MEGF11: variants seen among roughly 807,000 people sequenced by gnomAD.
The protein encoded by MEGF11 is multiple EGF like domains 11, also known as multiple epidermal growth factor-like domains protein 11.
MEGF11 carries 126 observed loss-of-function variants against 146.6 expected under a neutral mutation model. That is an observed-to-expected ratio of 0.86 (90% CI 0.74 to 1.00). The LOEUF (loss-of-function observed/expected upper bound fraction) is 1.00. Ranked by LOEUF, MEGF11 falls within the 50% of genes least tolerant of loss-of-function variation. The pLI, the probability that MEGF11 is intolerant of heterozygous loss-of-function variation, is 0.00. For missense variants in MEGF11, 1,509 were observed against 1,521.2 expected, an observed-to-expected ratio of 0.99 and a Z score of 0.13; for synonymous variants, 532 against 583.4, an observed-to-expected ratio of 0.91 and a Z score of 1.27.
rs576164500 is a variant in MEGF11 at position 65,914,243 on chromosome 15, A to G, written c.2474-270T>C. On this transcript the variant is annotated intron_variant, in intron 19 of 25. Coordinates refer to ENST00000395614, the MANE Select transcript of MEGF11 (RefSeq NM_001385028.1). ...TTTACTCTGTTCCAAAAATGAGTTAACAGATATTAATTCATTTACTCTTCA... is the reference window on the plus strand; with the variant it reads ...TTTACTCTGTTCCAAAAATGAGTTAGCAGATATTAATTCATTTACTCTTCA... 1.1e-4 allele frequency: 60 copies of G among 533,602 alleles called. No individual in the cohort carries two copies. In the Admixed American group the frequency reaches 1.5e-3, roughly 14 times the overall value. 33.1% of individuals were successfully genotyped at this position (533,602 alleles called of 1,614,324 possible).
intron 5 of MEGF11, among the ~76,000 whole-genome samples, chr15:66,076,493 G>A (rs540924226): frequency 1.3e-3 from 195 of 152,272 alleles, no homozygotes; most frequent in African/African-American, 4.4e-3. Context: ...TGCCAGAATG[G>A]GTTTTCCTTA....
chr15:66,027,461 G>C (rs555603288), intron 5 of MEGF11, among the ~76,000 whole-genome samples: 1 of 152,302 alleles, frequency 6.6e-6, no homozygotes, highest in African/African-American at 2.4e-5. Flanking sequence ...CTCCATCACT[G>C]TGCACCGTAA....
intron 5 of MEGF11, among the ~76,000 whole-genome samples, chr15:66,083,770 A>G (rs1345485584): frequency 6.6e-6 from 1 of 152,190 alleles, no homozygotes; most frequent in African/African-American, 2.4e-5. Context: ...TTAAAAAATT[A>G]GCCCAGCATG....
intron 5 of MEGF11, among the ~76,000 whole-genome samples, chr15:66,089,592 A>G (rs1393228237): frequency 6.6e-6 from 1 of 152,196 alleles, no homozygotes; most frequent in Non-Finnish European, 1.5e-5. Flanking sequence ...AAATCATACA[A>G]TGAAAGCTTA....
chr15:65,952,283 G>A lies in MEGF11; in HGVS notation c.1287+5264C>T, dbSNP rs754719910. Among the ~76,000 whole-genome samples the A allele has an allele frequency of 3.9e-5, 6 of 152,128 alleles. No homozygotes were observed. In the South Asian group the frequency reaches 1.2e-3, roughly 32 times the overall value. ...GATGAGATTAGGGTAGACTAGGTTC[G>A]AGGGCATATTACAAAGGCCTGGGAT... On this transcript the variant is annotated intron_variant, in intron 10 of 25. Coordinates refer to ENST00000395614, the MANE Select transcript of MEGF11 (RefSeq NM_001385028.1).
intron 1 of MEGF11, among the ~76,000 whole-genome samples, chr15:66,195,797 G>A (rs1200173078): frequency 1.3e-5 from 2 of 152,224 alleles, no homozygotes; most frequent in Non-Finnish European, 2.9e-5. Flanking sequence ...CCCAGGACAG[G>A]AAGCAAGAGG....
At chr15:66,026,921 A>G (rs1291158507) in intron 5 of MEGF11, among the ~76,000 whole-genome samples, 1 of 152,234 alleles carries the variant, frequency 6.6e-6, no homozygotes, top group African/African-American at 2.4e-5. Flanking sequence ...GGAGAATAAA[A>G]TGGTGTCATT....
At chr15:66,056,870 G>A (rs927698698) in intron 5 of MEGF11, among the ~76,000 whole-genome samples, 5 of 152,344 alleles carry the variant, frequency 3.3e-5, no homozygotes, top group Middle Eastern at 6.8e-3. Context: ...TTTGCTTAGG[G>A]ATGCCAGGAG....
chr15:65,994,229 C>A (rs1034029741), intron 5 of MEGF11, among the ~76,000 whole-genome samples: 1 of 152,256 alleles, frequency 6.6e-6, no homozygotes, highest in African/African-American at 2.4e-5. Flanking sequence ...ACTGGAAGTT[C>A]TTTCTTTTCC....
At chr15:66,048,994 C>T (rs1263742170) in intron 5 of MEGF11, among the ~76,000 whole-genome samples, 1 of 152,138 alleles carries the variant, frequency 6.6e-6, no homozygotes, top group Non-Finnish European at 1.5e-5. Flanking sequence ...AAGAGACCAC[C>T]AGGGGTTTGT....
At chr15:66,088,946 C>T (rs151234930) in intron 5 of MEGF11, among the ~76,000 whole-genome samples, 2 of 152,104 alleles carry the variant, frequency 1.3e-5, no homozygotes, top group Non-Finnish European at 2.9e-5. Context: ...GTGAATGTAC[C>T]AATGTTACCA....
At position 65,964,899 on chromosome 15, in the gene MEGF11, AG is replaced by A; in HGVS notation, c.1112+8del. ...CCTTGTCCCGGGCTCGCCCATTCCC[AG>A]CTCATACCTGATGGTGTTGTCAGCG... On this transcript the variant is annotated splice_region_variant and intron_variant, in intron 9 of 25. Coordinates refer to ENST00000395614, the MANE Select transcript of MEGF11 (RefSeq NM_001385028.1). 3 of 1,408,932 alleles carry A rather than the reference AG, an allele frequency of 2.1e-6. No homozygotes were observed. The highest frequency in any genetic ancestry group is 2.8e-6 in the Non-Finnish European group (3 of 1,078,864). The allele number at this position is 1,408,932 out of a possible 1,614,324, so 87.3% of individuals were successfully genotyped here. A position where few individuals can be genotyped will look rare whatever the true frequency, so the allele number is the denominator to read the frequency against.
chr15:66,225,864 T>A (rs1359510731), intron 1 of MEGF11, among the ~76,000 whole-genome samples: 1 of 152,060 alleles, frequency 6.6e-6, no homozygotes, highest in African/African-American at 2.4e-5. Flanking sequence ...TACAGGCACA[T>A]GCAAACATGC....
chr15:65,910,521 A>G (rs949218670), intron 21 of MEGF11, among the ~76,000 whole-genome samples: 13 of 151,850 alleles, frequency 8.6e-5, no homozygotes, highest in Admixed American at 4.6e-4. Flanking sequence ...CAGATGCCCT[A>G]TCTGTTAGAC....
chr15:66,144,097 C>T (rs2089274721), intron 1 of MEGF11, among the ~76,000 whole-genome samples: 1 of 152,192 alleles, frequency 6.6e-6, no homozygotes, highest in South Asian at 2.1e-4. Flanking sequence ...ACATCTCGTT[C>T]CTGCTCCCAG....
At chr15:65,983,791 G>A (rs187088080) in intron 5 of MEGF11, among the ~76,000 whole-genome samples, 1 of 152,274 alleles carries the variant, frequency 6.6e-6, no homozygotes, top group Admixed American at 6.5e-5. Context: ...AAAGGGGGCA[G>A]GTGAGTGGGA....
At chr15:66,021,063 A>G (rs114936757) in intron 5 of MEGF11, among the ~76,000 whole-genome samples, 1,577 of 148,624 alleles carry the variant, frequency 0.011, 41 homozygotes, top group African/African-American at 0.038. Context: ...TGGCATCAGA[A>G]GTAGTGATGT....
intron 7 of MEGF11, among the ~76,000 whole-genome samples, chr15:65,979,755 T>G (rs2081569577): frequency 6.6e-6 from 1 of 152,186 alleles, no homozygotes; most frequent in African/African-American, 2.4e-5. Context: ...CAAAAGACTT[T>G]GGACATGCAC....
intron 5 of MEGF11, among the ~76,000 whole-genome samples, chr15:66,051,749 G>C (rs1320059941): frequency 2.0e-5 from 3 of 152,180 alleles, no homozygotes; most frequent in Non-Finnish European, 2.9e-5. Context: ...ACTCAGAGGG[G>C]AGGGAGGGAG....
Sources: gnomAD v4.1 joint callset for allele counts (sites outside exome capture counted in the v4.1 genomes callset) on GRCh38, gnomAD v4.1.1 for gene constraint, MANE v1.5 for transcripts, NCBI Gene and HGNC (gene_info 2026-07-23, HGNC 2026-07-21) for gene names.